Variants in KLRF1 observed in about 807,000 individuals in gnomAD.
KLRF1 encodes killer cell lectin-like receptor subfamily F member 1.
A neutral mutation model predicts 30.7 loss-of-function variants in KLRF1; 27 were observed. The observed-to-expected ratio is 0.88, with a 90% CI of 0.65 to 1.21. The LOEUF (loss-of-function observed/expected upper bound fraction) is 1.21, where lower values mean the gene tolerates loss of function less well. Ranked by LOEUF, KLRF1 falls within the 50% of genes most tolerant of loss-of-function variation. The probability of loss-of-function intolerance (pLI) is 0.00; values close to 1 mark genes in which losing one functional copy is unlikely to be tolerated. For synonymous variants in KLRF1, 92 were observed against 89.3 expected (o/e 1.03, Z -0.17); for missense variants, 246 against 259.3 (o/e 0.95, Z 0.35).
intron 1 of KLRF1, 135 bp from the exon 2 acceptor site, chr12:9,832,181 C>G (rs543432799): frequency 1.8e-4 from 92 of 525,062 alleles, no homozygotes; most frequent in South Asian, 1.4e-3. Flanking sequence ...ATTTACTTAG[C>G]CTTCATGCTT....
At chr12:9,833,913 T>G (rs920853867) in intron 3 of KLRF1, among the ~76,000 whole-genome samples, 2 of 147,758 alleles carry the variant, frequency 1.4e-5, no homozygotes, top group Non-Finnish European at 3.0e-5. Flanking sequence ...TTTTTTTTTT[T>G]TTTTTTTTTT....
upstream of KLRF1, among the ~76,000 whole-genome samples, chr12:9,825,150 C>A (rs1440830057): frequency 6.6e-6 from 1 of 151,930 alleles, no homozygotes; most frequent in Admixed American, 6.5e-5. Flanking sequence ...GAAAAATTAG[C>A]CCAAATAGCC....
intron 3 of KLRF1, among the ~76,000 whole-genome samples, chr12:9,839,009 G>A (rs1477558325): frequency 1.3e-5 from 2 of 152,080 alleles, no homozygotes; most frequent in Non-Finnish European, 2.9e-5. Flanking sequence ...TGGAGACGGG[G>A]TCTTTAGAAA....
At chr12:9,816,652 T>C in the KLRF1 span, among the ~76,000 whole-genome samples, 1 of 152,128 alleles carries the variant, frequency 6.6e-6, no homozygotes, top group African/African-American at 2.4e-5. Context: ...CATGTTCATC[T>C]TTCCTGTCTA....
intron 1 of KLRF1, among the ~76,000 whole-genome samples, chr12:9,830,008 A>G (rs1397848901): frequency 6.6e-6 from 1 of 152,206 alleles, no homozygotes; most frequent in Admixed American, 6.5e-5. Flanking sequence ...CTAGTCTGTC[A>G]TTAAGCTTAG....
chr12:9,802,226 A>G, the KLRF1 span, among the ~76,000 whole-genome samples: 2 of 152,124 alleles, frequency 1.3e-5, no homozygotes, highest in African/African-American at 4.8e-5. Context: ...AACAGAACCA[A>G]TGACAAAAAT....
the KLRF1 span, among the ~76,000 whole-genome samples, chr12:9,814,865 TGG>T: frequency 6.6e-6 from 1 of 150,590 alleles, no homozygotes; most frequent in Non-Finnish European, 1.5e-5. Flanking sequence ...TGTGTGTGTG[TGG>T]GAGGGGGGAG....
At chr12:9,830,212 T>A (rs1867381393) in intron 1 of KLRF1, among the ~76,000 whole-genome samples, 1 of 152,172 alleles carries the variant, frequency 6.6e-6, no homozygotes, top group South Asian at 2.1e-4. Flanking sequence ...TTCATCTATG[T>A]TTTCACAGTG....
At chr12:9,827,010 C>T (rs927140964), upstream of KLRF1, among the ~76,000 whole-genome samples, 1 of 151,910 alleles carries the variant, frequency 6.6e-6, no homozygotes, top group Non-Finnish European at 1.5e-5. Context: ...ACACATGTAG[C>T]CCTGAACCTA....
intron 3 of KLRF1, among the ~76,000 whole-genome samples, chr12:9,833,695 T>C (rs1009840972): frequency 2.6e-5 from 4 of 152,164 alleles, no homozygotes; most frequent in African/African-American, 9.7e-5. Flanking sequence ...CATATAAATA[T>C]GGAAAGTTAG....
At chr12:9,819,768 G>T in the KLRF1 span, among the ~76,000 whole-genome samples, 1 of 152,040 alleles carries the variant, frequency 6.6e-6, no homozygotes, top group African/African-American at 2.4e-5. Flanking sequence ...TCCCCTGGCA[G>T]AGCACAGCAG....
intron 1 of KLRF1, among the ~76,000 whole-genome samples, chr12:9,831,599 A>G (rs1160649719): frequency 6.6e-6 from 1 of 152,192 alleles, no homozygotes. Flanking sequence ...CTTATTCAGT[A>G]TAACATAATT....
the KLRF1 span, among the ~76,000 whole-genome samples, chr12:9,810,681 T>G: frequency 6.6e-6 from 1 of 152,218 alleles, no homozygotes; most frequent in East Asian, 1.9e-4. Context: ...ATATAGGACA[T>G]GCTAACAAGC....
the KLRF1 span, among the ~76,000 whole-genome samples, chr12:9,819,333 C>T: frequency 5.9e-5 from 9 of 152,164 alleles, no homozygotes; most frequent in African/African-American, 2.2e-4. Context: ...TGGCACCTCA[C>T]AGGATAAGAC....
intron 3 of KLRF1, among the ~76,000 whole-genome samples, chr12:9,837,053 T>A (rs1867592852): frequency 6.6e-6 from 1 of 152,148 alleles, no homozygotes; most frequent in Non-Finnish European, 1.5e-5. Context: ...ACTACCATGT[T>A]TATCTAGTTG....
the KLRF1 span, among the ~76,000 whole-genome samples, chr12:9,814,891 C>A: frequency 6.6e-6 from 1 of 151,838 alleles, no homozygotes. Flanking sequence ...TGCAAACATA[C>A]AATTAGAAGG....
At chr12:9,816,605 G>A in the KLRF1 span, among the ~76,000 whole-genome samples, 1 of 151,266 alleles carries the variant, frequency 6.6e-6, no homozygotes, top group South Asian at 2.1e-4. Flanking sequence ...GGCTCAGATA[G>A]TTTCATTCAG....
the KLRF1 span, among the ~76,000 whole-genome samples, chr12:9,805,921 G>C: frequency 6.6e-6 from 1 of 151,622 alleles, no homozygotes; most frequent in East Asian, 1.9e-4. Context: ...GTATTTTCTT[G>C]GTCAGTCTAC....
chr12:9,822,645 T>A (rs1867239664), upstream of KLRF1, among the ~76,000 whole-genome samples: 1 of 152,124 alleles, frequency 6.6e-6, no homozygotes, highest in Non-Finnish European at 1.5e-5. Flanking sequence ...GTAAACAGAC[T>A]AGCTGCCCCA....
Sources: allele counts gnomAD v4.1 joint callset (sites outside exome capture counted in the v4.1 genomes callset), GRCh38; gene constraint gnomAD v4.1.1; transcripts MANE v1.5; gene names NCBI Gene and HGNC (gene_info 2026-07-23, HGNC 2026-07-21).